EPS15: variants seen among roughly 807,000 people sequenced by gnomAD.
EPS15 encodes the protein epidermal growth factor receptor substrate 15.
Under a neutral mutation model 113.8 loss-of-function variants are expected in EPS15, and 72 were observed. That is an observed-to-expected ratio of 0.63 (90% confidence interval 0.52 to 0.77). The LOEUF (loss-of-function observed/expected upper bound fraction) is 0.77. Among genes scored for constraint, EPS15 ranks in the 30% least tolerant of loss-of-function variants. EPS15 has a pLI of 0.00. For synonymous variants in EPS15, 344 were observed against 363.4 expected, an observed-to-expected ratio of 0.95 and a Z score of 0.61; for missense variants, 1,048 against 1,045.8, an observed-to-expected ratio of 1.00 and a Z score of -0.03.
intron 12 of EPS15, among the ~76,000 whole-genome samples, chr1:51,437,922 T>C (rs888499292): frequency 2.0e-5 from 3 of 152,130 alleles, no homozygotes; most frequent in African/African-American, 7.2e-5. Context: ...ATCACATCCT[T>C]ATATATTAAT....
At chr1:51,457,273 T>C (rs1441774129) in intron 8 of EPS15, among the ~76,000 whole-genome samples, 1 of 151,282 alleles carries the variant, frequency 6.6e-6, no homozygotes, top group Non-Finnish European at 1.5e-5. Flanking sequence ...GGCAACAAAG[T>C]GAGACTCCAT....
chr1:51,479,351 C>T (rs988040205), intron 2 of EPS15, among the ~76,000 whole-genome samples: 9 of 152,140 alleles, frequency 5.9e-5, no homozygotes, highest in Non-Finnish European at 1.0e-4. Flanking sequence ...ATTAGCCATT[C>T]GTCTAATCTT....
intron 8 of EPS15, chr1:51,457,797 A>G (rs1396237673): frequency 2.6e-5 from 4 of 152,098 alleles, no homozygotes; most frequent in African/African-American, 4.8e-5. Context: ...CAGATTAGGG[A>G]TGCTCAACCT....
chr1:51,490,632 A>C (rs79339614), intron 1 of EPS15, among the ~76,000 whole-genome samples: 3,295 of 152,004 alleles, frequency 0.022, 32 homozygotes, highest in Middle Eastern at 0.034. Flanking sequence ...ACATAATGCC[A>C]ATCTTTTCTC....
chr1:51,450,674 T>A (rs984365564), intron 8 of EPS15, among the ~76,000 whole-genome samples: 5 of 151,838 alleles, frequency 3.3e-5, no homozygotes, highest in Non-Finnish European at 7.3e-5. Context: ...ACTGGCAACA[T>A]CTACCAAATT....
intron 8 of EPS15, among the ~76,000 whole-genome samples, chr1:51,452,017 G>A (rs540393248): frequency 1.3e-5 from 2 of 151,710 alleles, no homozygotes; most frequent in South Asian, 4.2e-4. Flanking sequence ...AAGTAGCTGG[G>A]TCTACAGGTA....
chr1:51,397,484 T>A (rs535179236), intron 20 of EPS15, among the ~76,000 whole-genome samples: 28 of 152,348 alleles, frequency 1.8e-4, no homozygotes, highest in African/African-American at 6.7e-4. Context: ...TTTCTTGCTC[T>A]TTAGATGATA....
chr1:51,364,058 G>T (rs1159179963), intron 22 of EPS15, 30 bp from the exon 23 acceptor site: 2 of 1,538,238 alleles, frequency 1.3e-6, no homozygotes, highest in Non-Finnish European at 1.8e-6. Context: ...GTTATACATG[G>T]CTATACCAAG....
At chr1:51,462,870 A>ATTTGTTTTTTTTTTTTTTTTTTTT (rs1654569245) in intron 7 of EPS15, among the ~76,000 whole-genome samples, 1 of 111,070 alleles carries the variant, frequency 9.0e-6, no homozygotes, top group African/African-American at 3.6e-5. Flanking sequence ...AAAAAGTCAG[A>ATTTGTTTTTTTTTTTTTTTTTTTT]TTTTTTTTTT....
intron 24 of EPS15, among the ~76,000 whole-genome samples, chr1:51,358,713 T>TTG (rs1557763065): frequency 2.0e-5 from 3 of 149,186 alleles, no homozygotes; most frequent in Non-Finnish European, 3.0e-5. Context: ...TTTTTTGTTT[T>TTG]TTTTTTTTTT....
At chr1:51,461,016 T>C (rs545916747) in intron 8 of EPS15, 75 bp downstream of exon 8, 1 of 970,220 alleles carries the variant, frequency 1.0e-6, no homozygotes, top group Non-Finnish European at 1.6e-6. Context: ...CCTCTAAGGA[T>C]GAACTAAAAG....
rs762455165 is a variant in EPS15 at position 51,465,378 on chromosome 1, C to G, written c.310-52G>C. ...GAGTTGAAATTCTCACATCAAGAAG[C>G]AATGAAGAAAAAATGGTTTTTGGAT... is the stretch of plus-strand genomic sequence containing the variant. On this transcript the variant is annotated intron_variant, in intron 5 of 24. Transcript: ENST00000371733. The G allele has an allele frequency of 3.1e-6, 4 of 1,302,558 alleles. No homozygotes were observed. The East Asian group carries it at 7.1e-5, about 23-fold the overall frequency. The allele number at this position is 1,302,558 out of a possible 1,614,324, so 80.7% of individuals were successfully genotyped here. A position where few individuals can be genotyped will look rare whatever the true frequency, so the allele number is the denominator to read the frequency against.
intron 1 of EPS15, among the ~76,000 whole-genome samples, chr1:51,503,419 TA>T (rs1345377979): frequency 6.6e-6 from 1 of 152,138 alleles, no homozygotes; most frequent in Non-Finnish European, 1.5e-5. Flanking sequence ...GTGGATTACC[TA>T]AAGTCGGGAG....
rs1646974324 is a variant in EPS15 at position 51,382,920 on chromosome 1, G to C, written c.2119+11461C>G. Among the ~76,000 whole-genome samples the C allele has an allele frequency of 2.0e-5, 3 of 152,180 alleles. No homozygotes were observed. The South Asian group carries it at 6.2e-4, about 31-fold the overall frequency. On this transcript the variant is annotated intron_variant, in intron 21 of 24. Coordinates refer to ENST00000371733, the MANE Select transcript of EPS15 (RefSeq NM_001981.3). ...CAGTATTACTCTGCTATCAAAGCCAGATGAAGACATATAGATGAGAAAAGA... is the reference window on the plus strand; with the variant it reads ...CAGTATTACTCTGCTATCAAAGCCACATGAAGACATATAGATGAGAAAAGA...
intron 1 of EPS15, among the ~76,000 whole-genome samples, chr1:51,481,516 T>C (rs777845144): frequency 1.1e-4 from 17 of 152,252 alleles, no homozygotes; most frequent in South Asian, 4.1e-4. Context: ...AAGAATCAGG[T>C]AGACAAGAAA....
chr1:51,377,895 CTT>C (rs1209383457), intron 21 of EPS15, among the ~76,000 whole-genome samples: 21 of 136,460 alleles, frequency 1.5e-4, no homozygotes, highest in Admixed American at 1.5e-4. Context: ...TAATCATTAG[CTT>C]TTTTTTTTTT....
At chr1:51,496,933 G>C (rs1398948966) in intron 1 of EPS15, among the ~76,000 whole-genome samples, 1 of 152,100 alleles carries the variant, frequency 6.6e-6, no homozygotes, top group African/African-American at 2.4e-5. Flanking sequence ...CTGAGTTCTA[G>C]AATTTTTTTC....
intron 1 of EPS15, among the ~76,000 whole-genome samples, chr1:51,494,590 G>A (rs1272289458): frequency 1.3e-5 from 2 of 152,172 alleles, no homozygotes; most frequent in African/African-American, 4.8e-5. Context: ...CATGATCACT[G>A]TATCAGTTCA....
At chr1:51,385,994 C>A (rs1233987399) in intron 21 of EPS15, among the ~76,000 whole-genome samples, 1 of 152,102 alleles carries the variant, frequency 6.6e-6, no homozygotes, top group Non-Finnish European at 1.5e-5. Flanking sequence ...GTACTTAATG[C>A]TCGTGAACTG....
Sources: allele counts gnomAD v4.1 joint callset (sites outside exome capture counted in the v4.1 genomes callset), GRCh38; gene constraint gnomAD v4.1.1; transcripts MANE v1.5; gene names NCBI Gene and HGNC (gene_info 2026-07-23, HGNC 2026-07-21).